The following PRKD1 variants were observed in gnomAD, a reference collection of about 807,000 sequenced individuals.
PRKD1 encodes serine/threonine-protein kinase D1.
A neutral mutation model predicts 95.9 loss-of-function variants in PRKD1; 63 were observed. The observed-to-expected ratio is 0.66, with a 90% CI of 0.54 to 0.81. The LOEUF (loss-of-function observed/expected upper bound fraction) is 0.81. Ranked by LOEUF, PRKD1 falls within the 30% of genes least tolerant of loss-of-function variation. The pLI, the probability that PRKD1 is intolerant of heterozygous loss-of-function variation, is 0.00. For missense variants in PRKD1, 1,048 were observed against 1,165.3 expected (o/e 0.90, Z 1.47); for synonymous variants, 425 against 423.1 (o/e 1.00, Z -0.05).
intron 4 of PRKD1, chr14:29,650,416 C>T (rs1357115547): frequency 6.6e-6 from 1 of 152,344 alleles, no homozygotes; most frequent in Non-Finnish European, 1.5e-5. Context: ...CCCTTCAGGG[C>T]TGAAGCTCTC....
intron 1 of PRKD1, among the ~76,000 whole-genome samples, chr14:29,850,885 CA>C (rs202194632): frequency 1.5e-4 from 21 of 140,948 alleles, no homozygotes; most frequent in Admixed American, 6.4e-4. Flanking sequence ...CAAAAACAGA[CA>C]AAAAAAAATT....
At chr14:29,685,173 A>G (rs45469791) in intron 2 of PRKD1, among the ~76,000 whole-genome samples, 3,050 of 152,230 alleles carry the variant, frequency 0.02, 104 homozygotes, top group African/African-American at 0.07. Context: ...CACTTGGTAG[A>G]AGCTTGACTG....
intron 1 of PRKD1, among the ~76,000 whole-genome samples, chr14:29,882,495 T>C (rs79366490): frequency 0.021 from 3,164 of 152,338 alleles, 56 homozygotes; most frequent in East Asian, 0.062. Flanking sequence ...AGTTTATTTA[T>C]CTTTTATTAG....
At chr14:29,715,149 C>T (rs1005517330) in intron 2 of PRKD1, among the ~76,000 whole-genome samples, 7 of 151,860 alleles carry the variant, frequency 4.6e-5, no homozygotes, top group Non-Finnish European at 8.8e-5. Flanking sequence ...AATATGCTAC[C>T]AAAATTTACA....
At chr14:29,744,413 G>A (rs1012738108) in intron 1 of PRKD1, among the ~76,000 whole-genome samples, 6 of 151,984 alleles carry the variant, frequency 3.9e-5, no homozygotes, top group Non-Finnish European at 7.4e-5. Flanking sequence ...TCCAAAGTTT[G>A]TCACCATCTC....
In PRKD1 at chr14:29,815,427, C is replaced by G. The variant is rs186488927; in HGVS notation, c.265-89753G>C. On this transcript the variant is annotated intron_variant, in intron 1 of 17. Coordinates refer to ENST00000331968, the MANE Select transcript of PRKD1 (RefSeq NM_002742.3). The stretch of plus-strand genomic sequence containing the variant: ...GTTGAGAGCAAGATGGAAAACATGA[C>G]AGTGAGAGGGAAAATCTAGGTATAA... Among the ~76,000 whole-genome samples, 118 of 152,212 alleles carry G rather than the reference C, an allele frequency of 7.8e-4. 1 individual carries two copies. The highest frequency in any genetic ancestry group is 6.8e-3 in the Middle Eastern group (2 of 294).
At chr14:29,878,715 G>A (rs1047730591) in intron 1 of PRKD1, among the ~76,000 whole-genome samples, 1 of 152,150 alleles carries the variant, frequency 6.6e-6, no homozygotes, top group Non-Finnish European at 1.5e-5. Context: ...CAAATTCATG[G>A]AGACAGAAAG....
intron 1 of PRKD1, among the ~76,000 whole-genome samples, chr14:29,907,111 C>A (rs1894521614): frequency 1.3e-5 from 2 of 152,146 alleles, no homozygotes; most frequent in Admixed American, 1.3e-4. Flanking sequence ...TCAGGCCCTA[C>A]CATAAAATGT....
At chr14:29,908,676 G>C (rs537714827) in intron 1 of PRKD1, among the ~76,000 whole-genome samples, 1 of 152,336 alleles carries the variant, frequency 6.6e-6, no homozygotes, top group East Asian at 1.9e-4. Context: ...AAATTTCAAA[G>C]AGTAGGGTAC....
intron 4 of PRKD1, among the ~76,000 whole-genome samples, chr14:29,649,903 C>T (rs1881382322): frequency 1.3e-5 from 2 of 152,174 alleles, no homozygotes; most frequent in South Asian, 2.1e-4. Flanking sequence ...TGGCCTTACG[C>T]TTTGCTTAGA....
chr14:29,580,734 G>A lies in PRKD1; in HGVS notation c.2435-2374C>T, dbSNP rs139020401. Among the ~76,000 whole-genome samples, 452 of 152,116 alleles carry A rather than the reference G, an allele frequency of 3.0e-3. 1 individual carries two copies. Among genetic ancestry groups the A allele is most frequent in the Middle Eastern group, 0.02 (6 of 294 alleles). On this transcript the variant is annotated intron_variant, in intron 16 of 17. Transcript: ENST00000331968. ...TAAACATTTTTGAACACAGTTTAGA[G>A]GCTTTTTTCCTTCCAATATTCTCTT...
At chr14:29,712,351 A>G (rs1594450724) in intron 2 of PRKD1, among the ~76,000 whole-genome samples, 1 of 152,248 alleles carries the variant, frequency 6.6e-6, no homozygotes, top group African/African-American at 2.4e-5. Context: ...TGGATTAACA[A>G]GTTATAATGA....
chr14:29,808,189 A>G (rs1215107849), intron 1 of PRKD1, among the ~76,000 whole-genome samples: 1 of 152,034 alleles, frequency 6.6e-6, no homozygotes, highest in African/African-American at 2.4e-5. Flanking sequence ...TTATCAACTA[A>G]GTTTATGTAA....
chr14:29,905,888 A>G (rs567047569), intron 1 of PRKD1, among the ~76,000 whole-genome samples: 13 of 152,232 alleles, frequency 8.5e-5, no homozygotes, highest in Non-Finnish European at 1.6e-4. Flanking sequence ...AGCGGGGCTT[A>G]TAACTCTCGA....
chr14:29,775,532 G>A lies in PRKD1; in HGVS notation c.265-49858C>T, dbSNP rs186211141. Among the ~76,000 whole-genome samples, 14 of 152,248 alleles carry A rather than the reference G, an allele frequency of 9.2e-5. No individual in the cohort carries two copies. The East Asian group carries it at 1.9e-3, about 21-fold the overall frequency. ...CCTGGCTCGAGGGTCCCCCACCCAC[G>A]GACCCTCGCTCATTGCTAGCACAGC... On this transcript the variant is annotated intron_variant, in intron 1 of 17. Transcript: ENST00000331968.
At chr14:29,582,294 T>C (rs1892779523) in intron 16 of PRKD1, among the ~76,000 whole-genome samples, 1 of 152,228 alleles carries the variant, frequency 6.6e-6, no homozygotes, top group Non-Finnish European at 1.5e-5. Flanking sequence ...TTGAATAATT[T>C]GAGAATCCAT....
chr14:29,629,556 T>TA (rs1257150430), intron 10 of PRKD1, among the ~76,000 whole-genome samples: 3 of 152,128 alleles, frequency 2.0e-5, no homozygotes, highest in African/African-American at 7.2e-5. Flanking sequence ...AGAGATAAAT[T>TA]AAAAAATTAT....
intron 4 of PRKD1, among the ~76,000 whole-genome samples, chr14:29,647,770 C>T (rs868775710): frequency 9.9e-5 from 15 of 152,222 alleles, no homozygotes; most frequent in Middle Eastern, 3.4e-3. Context: ...AATAAGGGGC[C>T]GGAGAGACCA....
At chr14:29,786,400 G>C (rs749161474) in intron 1 of PRKD1, among the ~76,000 whole-genome samples, 1 of 152,148 alleles carries the variant, frequency 6.6e-6, no homozygotes, top group Non-Finnish European at 1.5e-5. Flanking sequence ...TTTTGGAACA[G>C]TTTGAGAAGA....
Sources: gnomAD v4.1 joint callset for allele counts (sites outside exome capture counted in the v4.1 genomes callset) on GRCh38, gnomAD v4.1.1 for gene constraint, MANE v1.5 for transcripts, NCBI Gene and HGNC (gene_info 2026-07-23, HGNC 2026-07-21) for gene names.